GALNT14: variants seen among roughly 807,000 people sequenced by gnomAD.
GALNT14 encodes the protein polypeptide N-acetylgalactosaminyltransferase 14.
GALNT14 carries 60 observed loss-of-function variants against 77.5 expected under a neutral mutation model. The ratio of observed to expected loss-of-function variants is 0.77; its 90% CI spans 0.63 to 0.96. The LOEUF (loss-of-function observed/expected upper bound fraction) is 0.96. Among genes scored for constraint, GALNT14 ranks in the 40% least tolerant of loss-of-function variants. The pLI is 0.00. For missense variants in GALNT14, 710 were observed against 731.0 expected (o/e 0.97, Z 0.33); for synonymous variants, 280 against 281.7 (o/e 0.99, Z 0.06).
At chr2:31,056,860 G>C (rs924261185) in intron 1 of GALNT14, among the ~76,000 whole-genome samples, 1 of 152,056 alleles carries the variant, frequency 6.6e-6, no homozygotes, top group Non-Finnish European at 1.5e-5. Context: ...ACACACGATC[G>C]CAAACACATG....
intron 1 of GALNT14, among the ~76,000 whole-genome samples, chr2:31,080,447 G>A (rs1193038876): frequency 6.6e-6 from 1 of 152,164 alleles, no homozygotes; most frequent in Non-Finnish European, 1.5e-5. Context: ...AGAACTAAGT[G>A]GTGTCCATTC....
chr2:30,995,130 TTG>T (rs3058232), intron 1 of GALNT14, among the ~76,000 whole-genome samples: 39,729 of 142,718 alleles, frequency 0.28, 5,716 homozygotes, highest in East Asian at 0.35. Context: ...AGAACCAATG[TTG>T]TGTGTGTGTG....
rs7577095 is a variant in GALNT14 at position 30,957,840 on chromosome 2, C to T, written c.466+557G>A. On this transcript the variant is annotated intron_variant, in intron 4 of 14. Transcript: ENST00000349752. ...AACTGTACCCAGGCTCCTGGGAGGA[C>T]GGCCTTCAGGTGAGGTGTCGGCACT... is the stretch of plus-strand genomic sequence containing the variant. 1.9e-3 allele frequency among the ~76,000 whole-genome samples: 283 copies of T among 152,280 alleles called. 1 individual carries two copies. Among genetic ancestry groups the T allele is most frequent in the African/African-American group, 6.5e-3 (270 of 41,554 alleles).
intron 13 of GALNT14, among the ~76,000 whole-genome samples, chr2:30,914,177 GGTAT>G (rs1664533332): frequency 6.6e-6 from 1 of 152,180 alleles, no homozygotes; most frequent in Admixed American, 6.5e-5. Context: ...CTATTAAGTA[GGTAT>G]TACTATTATC....
chr2:30,995,340 T>C (rs1573117424), intron 1 of GALNT14, among the ~76,000 whole-genome samples: 1 of 152,314 alleles, frequency 6.6e-6, no homozygotes, highest in East Asian at 1.9e-4. Context: ...GTGTTACAAA[T>C]GTCTACAGTA....
intron 1 of GALNT14, among the ~76,000 whole-genome samples, chr2:31,009,727 A>T (rs976129695): frequency 1.3e-5 from 2 of 152,164 alleles, no homozygotes; most frequent in Non-Finnish European, 2.9e-5. Context: ...AAATGGCACC[A>T]CCAGCCACAT....
chr2:31,086,927 G>C (rs1676459488), intron 1 of GALNT14, among the ~76,000 whole-genome samples: 1 of 152,176 alleles, frequency 6.6e-6, no homozygotes, highest in South Asian at 2.1e-4. Flanking sequence ...TAATTAGGGA[G>C]ACAGATAAAC....
chr2:30,939,517 G>A (rs1455019332), intron 9 of GALNT14, among the ~76,000 whole-genome samples: 1 of 152,170 alleles, frequency 6.6e-6, no homozygotes, highest in Non-Finnish European at 1.5e-5. Flanking sequence ...GGATCCAGCT[G>A]AGGAGTGTGA....
intron 1 of GALNT14, among the ~76,000 whole-genome samples, chr2:31,126,128 C>A (rs184408011): frequency 6.6e-6 from 1 of 152,316 alleles, no homozygotes; most frequent in East Asian, 1.9e-4. Flanking sequence ...GTAAAGTTTT[C>A]TCTTTAAACA....
In GALNT14 at chr2:30,924,766, G is replaced by T; in HGVS notation, c.1209C>A (p.Tyr403Ter). Reference protein sequence around the residue: ...KNLRCQSFKWYLENIYPELSI... With the variant: ...KNLRCQSFKW The stretch of plus-strand genomic sequence containing the variant: ...TGAGTTCAGGGTAGATATTCTCCAG[G>T]TACCACTTGAAGCTCTGGCAGCGCA... The change falls in exon 12 of 15, where the codon TAC (tyrosine) becomes TAA (stop). Residue 403 changes from tyrosine to a stop codon, truncating the protein, a stop_gained. Coordinates refer to ENST00000349752, the MANE Select transcript of GALNT14 (RefSeq NM_024572.4). LOFTEE classifies it high-confidence loss of function. The T allele has an allele frequency of 1.2e-6, 2 of 1,614,054 alleles. No homozygotes were observed. The highest frequency in any genetic ancestry group is 1.7e-6 in the Non-Finnish European group (2 of 1,179,966).
At chr2:30,893,189 G>A in the GALNT14 span, among the ~76,000 whole-genome samples, 1 of 152,140 alleles carries the variant, frequency 6.6e-6, no homozygotes, top group Non-Finnish European at 1.5e-5. Context: ...AAATTCCTAG[G>A]ATGTTTACTA....
the GALNT14 span, among the ~76,000 whole-genome samples, chr2:30,894,314 T>G: frequency 6.6e-6 from 1 of 152,184 alleles, no homozygotes; most frequent in Non-Finnish European, 1.5e-5. Context: ...TTGAGTAAAT[T>G]AATAATGATT....
At position 30,955,900 on chromosome 2, in the gene GALNT14, G is replaced by T. The variant is rs760141017; in HGVS notation, c.532+12C>A. 12 of 1,613,604 alleles carry T rather than the reference G, an allele frequency of 7.4e-6. No individual in the cohort carries two copies. The Admixed American group carries it at 8.3e-5, about 11-fold the overall frequency. ...TCACACTGGAGGCTCCCGCACAACA[G>T]CTCAGACCTACCTTGCCGTTCATTA... On this transcript the variant is annotated intron_variant, in intron 5 of 14. Coordinates refer to ENST00000349752, the MANE Select transcript of GALNT14 (RefSeq NM_024572.4).
chr2:31,127,288 G>C (rs72795227), intron 1 of GALNT14, among the ~76,000 whole-genome samples: 4,775 of 152,278 alleles, frequency 0.031, 94 homozygotes, highest in Non-Finnish European at 0.051. Context: ...CACACAGCCT[G>C]CGGGTCAAAT....
intron 1 of GALNT14, among the ~76,000 whole-genome samples, chr2:31,018,487 C>T (rs995719520): frequency 6.6e-6 from 1 of 152,104 alleles, no homozygotes; most frequent in Non-Finnish European, 1.5e-5. Context: ...CTTATAAAAC[C>T]ATCAGATGTC....
At chr2:31,082,299 A>G (rs1382149405) in intron 1 of GALNT14, among the ~76,000 whole-genome samples, 1 of 152,252 alleles carries the variant, frequency 6.6e-6, no homozygotes, top group Non-Finnish European at 1.5e-5. Flanking sequence ...GGATCCAGAA[A>G]GCAGACAGAA....
intron 9 of GALNT14, among the ~76,000 whole-genome samples, chr2:30,935,859 C>T (rs1460799313): frequency 5.9e-5 from 9 of 152,270 alleles, no homozygotes; most frequent in African/African-American, 1.4e-4. Flanking sequence ...TGTAGATTCA[C>T]GTGTGAGGTG....
intron 1 of GALNT14, among the ~76,000 whole-genome samples, chr2:31,007,678 T>C (rs758114358): frequency 2.6e-5 from 4 of 152,208 alleles, no homozygotes; most frequent in East Asian, 1.9e-4. Context: ...TTCAGATGCA[T>C]TGGGAACAGA....
chr2:30,985,296 T>A (rs1277273044), intron 2 of GALNT14, among the ~76,000 whole-genome samples: 2 of 152,092 alleles, frequency 1.3e-5, no homozygotes, highest in East Asian at 3.9e-4. Flanking sequence ...CCTTTTGAAG[T>A]CTGAGGAGTT....
Sources: gnomAD v4.1 joint callset for allele counts (sites outside exome capture counted in the v4.1 genomes callset) on GRCh38, gnomAD v4.1.1 for gene constraint, MANE v1.5 for transcripts, NCBI Gene and HGNC (gene_info 2026-07-23, HGNC 2026-07-21) for gene names.